The following EVL variants were observed in gnomAD, a reference collection of about 807,000 sequenced individuals.
The protein encoded by EVL is ena/VASP-like protein.
Under a neutral mutation model 59.6 loss-of-function variants are expected in EVL, and 21 were observed. The observed-to-expected ratio is 0.35, with a 90% CI of 0.25 to 0.51. EVL has a LOEUF of 0.51. Among genes scored for constraint, EVL ranks in the 20% least tolerant of loss-of-function variants. The pLI, the probability that EVL is intolerant of heterozygous loss-of-function variation, is 0.97. For missense variants in EVL, 462 were observed against 546.6 expected (o/e 0.85, Z 1.54); for synonymous variants, 198 against 203.5 (o/e 0.97, Z 0.23).
chr14:99,994,193 A>G (rs775733287), intron 1 of EVL, among the ~76,000 whole-genome samples: 1 of 137,936 alleles, frequency 7.2e-6, no homozygotes, highest in Non-Finnish European at 1.5e-5. Flanking sequence ...TGTAGACAGC[A>G]TATAGTTGGA....
In EVL at chr14:100,132,804, T is replaced by A. The variant is rs747425223; in HGVS notation, c.900+25T>A. 7 of 1,613,318 alleles carry A rather than the reference T, an allele frequency of 4.3e-6. No individual in the cohort carries two copies. In the South Asian group the frequency reaches 7.7e-5, roughly 18 times the overall value. ...GGTGAGCAAGCAGCCCGCCCCACCCTCAGGCTCCCCACTGAGATGAGCGCA... is the reference window on the plus strand; with the variant it reads ...GGTGAGCAAGCAGCCCGCCCCACCCACAGGCTCCCCACTGAGATGAGCGCA... On this transcript the variant is annotated intron_variant, in intron 8 of 13. Transcript: ENST00000392920.
At chr14:100,004,527 T>G (rs181884117) in intron 1 of EVL, among the ~76,000 whole-genome samples, 23 of 152,318 alleles carry the variant, frequency 1.5e-4, no homozygotes, top group African/African-American at 5.5e-4. Flanking sequence ...ACCATTTTAA[T>G]TTCTCTTTAA....
chr14:100,058,360 GC>G (rs2140258195), intron 1 of EVL, among the ~76,000 whole-genome samples: 2 of 152,304 alleles, frequency 1.3e-5, no homozygotes, highest in Admixed American at 6.5e-5. Flanking sequence ...GAGTGTTGAT[GC>G]CCGTCTTCCT....
intron 1 of EVL, among the ~76,000 whole-genome samples, chr14:100,044,087 C>T (rs1202948097): frequency 6.6e-6 from 1 of 152,200 alleles, no homozygotes; most frequent in Admixed American, 6.5e-5. Context: ...AGAAATAACA[C>T]TTTACCTGCT....
chr14:99,983,580 G>C (rs768054931), intron 1 of EVL, among the ~76,000 whole-genome samples: 2 of 152,130 alleles, frequency 1.3e-5, no homozygotes, highest in African/African-American at 2.4e-5. Context: ...TCTTTAAAAG[G>C]TTCCAGCACT....
chr14:100,001,120 G>C (rs2060943675), intron 1 of EVL, among the ~76,000 whole-genome samples: 2 of 152,156 alleles, frequency 1.3e-5, no homozygotes, highest in South Asian at 4.1e-4. Flanking sequence ...TTACTCTGAA[G>C]TCCATGTATC....
At chr14:99,996,137 A>C (rs1191007) in intron 1 of EVL, among the ~76,000 whole-genome samples, 54,489 of 151,408 alleles carry the variant, frequency 0.36, 13,638 homozygotes, top group African/African-American at 0.71. Context: ...CTTTTCATCC[A>C]AGAAAGAAGG....
rs771218497 is a variant in EVL, at chr14:100,123,542, C to T, written c.362C>T (p.Pro121Leu). The stretch of plus-strand genomic sequence containing the variant: ...TTCTGTGCTTCTCTGCCCACAGGCC[C>T]CTCCAGCCAGCGTCAGGTGCAGAAT... ...LNIMNSQEGGPSSQRQVQNGP... is the reference protein window; with the variant it reads ...LNIMNSQEGGLSSQRQVQNGP... The change falls in exon 4 of 14, where the codon CCC (proline) becomes CTC (leucine). Residue 121 changes from proline to leucine, a missense_variant. Pro to Leu is a moderately conservative substitution (Grantham distance 98). Transcript: ENST00000392920. The T allele has an allele frequency of 6.2e-6, 10 of 1,614,094 alleles. 1 individual carries two copies. The South Asian group carries it at 1.1e-4, about 18-fold the overall frequency.
chr14:100,103,556 G>A (rs1423524450), intron 3 of EVL, among the ~76,000 whole-genome samples: 1 of 152,092 alleles, frequency 6.6e-6, no homozygotes, highest in East Asian at 1.9e-4. Flanking sequence ...GCCTGCTCAT[G>A]TACTGATCTT....
intron 1 of EVL, among the ~76,000 whole-genome samples, chr14:99,999,782 G>T (rs1442464225): frequency 6.6e-6 from 1 of 152,152 alleles, no homozygotes; most frequent in Non-Finnish European, 1.5e-5. Flanking sequence ...GTGGTGGGGG[G>T]TCACTCTCTT....
chr14:100,085,685 C>T (rs1039435976), intron 2 of EVL, among the ~76,000 whole-genome samples: 1 of 152,184 alleles, frequency 6.6e-6, no homozygotes, highest in African/African-American at 2.4e-5. Flanking sequence ...AAAGAATCAG[C>T]GATCGGAAGA....
chr14:100,024,517 G>A (rs1175882322), intron 1 of EVL, among the ~76,000 whole-genome samples: 2 of 152,164 alleles, frequency 1.3e-5, no homozygotes, highest in Non-Finnish European at 2.9e-5. Flanking sequence ...TTGAATACCT[G>A]CTGTGTGCCA....
intron 1 of EVL, among the ~76,000 whole-genome samples, chr14:99,995,308 C>T (rs917849945): frequency 1.3e-5 from 2 of 152,078 alleles, no homozygotes; most frequent in African/African-American, 4.8e-5. Flanking sequence ...TTGAGGTTCT[C>T]TTCACCTTTC....
intron 1 of EVL, among the ~76,000 whole-genome samples, chr14:100,028,938 C>T (rs915073667): frequency 1.3e-5 from 2 of 152,182 alleles, no homozygotes; most frequent in Admixed American, 1.3e-4. Flanking sequence ...TAAGCTATGA[C>T]TGTCACTTTA....
chr14:100,037,477 C>A (rs2061405516), intron 1 of EVL, among the ~76,000 whole-genome samples: 1 of 152,200 alleles, frequency 6.6e-6, no homozygotes, highest in South Asian at 2.1e-4. Flanking sequence ...TGTTTCTGTA[C>A]TTCTCATGCC....
At chr14:99,981,775 G>A (rs2060808128) in intron 1 of EVL, among the ~76,000 whole-genome samples, 1 of 152,188 alleles carries the variant, frequency 6.6e-6, no homozygotes. Flanking sequence ...AAAAATGCTA[G>A]CAAAGTGAGC....
At chr14:100,078,860 A>C (rs67138579) in intron 1 of EVL, among the ~76,000 whole-genome samples, 42,375 of 152,118 alleles carry the variant, frequency 0.28, 8,761 homozygotes, top group African/African-American at 0.59. Flanking sequence ...ACTGGGAAGA[A>C]AAAATTGGCC....
intron 4 of EVL, among the ~76,000 whole-genome samples, chr14:100,126,356 C>T (rs1186102502): frequency 6.6e-6 from 1 of 152,248 alleles, no homozygotes; most frequent in Non-Finnish European, 1.5e-5. Flanking sequence ...ACAGGCGTTC[C>T]TGAGGCTGGG....
At chr14:100,054,662 C>A (rs746732882) in intron 1 of EVL, among the ~76,000 whole-genome samples, 11 of 152,110 alleles carry the variant, frequency 7.2e-5, no homozygotes, top group Non-Finnish European at 1.5e-4. Flanking sequence ...GCCTGCCTTG[C>A]CTTCTCTGTG....
Sources: gnomAD v4.1 joint callset for allele counts (sites outside exome capture counted in the v4.1 genomes callset) on GRCh38, gnomAD v4.1.1 for gene constraint, MANE v1.5 for transcripts, NCBI Gene and HGNC (gene_info 2026-07-23, HGNC 2026-07-21) for gene names.